Variants in MMP16 observed in about 807,000 individuals in gnomAD.
MMP16 encodes matrix metalloproteinase-16.
MMP16 carries 12 observed loss-of-function variants against 67.8 expected under a neutral mutation model. The ratio of observed to expected loss-of-function variants is 0.18; its 90% confidence interval spans 0.11 to 0.29. MMP16 has a LOEUF of 0.29. MMP16 is among the 10% of genes least tolerant of loss of function. The pLI is 1.00. For missense variants in MMP16, 475 were observed against 765.7 expected (o/e 0.62, Z 4.48); for synonymous variants, 249 against 255.9 (o/e 0.97, Z 0.26).
intron 3 of MMP16, among the ~76,000 whole-genome samples, chr8:88,170,930 T>C (rs1194185650): frequency 6.6e-6 from 1 of 152,156 alleles, no homozygotes; most frequent in African/African-American, 2.4e-5. Context: ...ACTTGTGTGA[T>C]AGCCATGGAG....
At chr8:88,221,544 A>G (rs1275084227) in intron 1 of MMP16, among the ~76,000 whole-genome samples, 1 of 152,148 alleles carries the variant, frequency 6.6e-6, no homozygotes, top group Non-Finnish European at 1.5e-5. Flanking sequence ...ATCGTTACAA[A>G]TAATAACCCC....
chr8:88,183,691 T>C (rs746004922), intron 3 of MMP16, among the ~76,000 whole-genome samples: 120 of 150,230 alleles, frequency 8.0e-4, no homozygotes, highest in Non-Finnish European at 1.1e-3. Flanking sequence ...ATGCCATTTT[T>C]CTGTTTAACA....
chr8:88,074,894 G>A (rs903736067), intron 6 of MMP16, 151 bp from the exon 7 acceptor site: 13 of 993,728 alleles, frequency 1.3e-5, no homozygotes, highest in Admixed American at 5.6e-5. Context: ...CAACTTGACC[G>A]CAATGATCAC....
chr8:88,212,775 C>G (rs1258349417), intron 1 of MMP16, among the ~76,000 whole-genome samples: 1 of 152,012 alleles, frequency 6.6e-6, no homozygotes, highest in Non-Finnish European at 1.5e-5. Flanking sequence ...TCAGATGAAT[C>G]CATACGAAAA....
Position 88,040,443 on chromosome 8 carries a change from C to G in MMP16, c.*1018G>C, listed in dbSNP as rs1480711856. 1 of 152,306 alleles carries G rather than the reference C, an allele frequency of 6.6e-6. No individual in the cohort carries two copies. The highest frequency in any genetic ancestry group is 1.5e-5 in the Non-Finnish European group (1 of 68,014). 9.4% of individuals were successfully genotyped at this position (152,306 alleles called of 1,614,324 possible). A position where few individuals can be genotyped will look rare whatever the true frequency, so the allele number is the denominator to read the frequency against. On this transcript the variant is annotated 3_prime_UTR_variant, in exon 10 of 10. Transcript: ENST00000286614. ...GACTCTGAAAGCTGGTCTGATAGTT[C>G]TCAAAGGGTTACACGGGTATGTTAC... is the stretch of plus-strand genomic sequence containing the variant.
intron 6 of MMP16, among the ~76,000 whole-genome samples, chr8:88,079,006 A>C (rs1043688917): frequency 2.6e-5 from 4 of 152,142 alleles, no homozygotes; most frequent in African/African-American, 9.7e-5. Flanking sequence ...TGCAATGCCA[A>C]TGCAAAGCCT....
intron 6 of MMP16, among the ~76,000 whole-genome samples, chr8:88,075,938 T>TACACACACACACACACACAC (rs71556442): frequency 5.8e-4 from 82 of 140,488 alleles, no homozygotes; most frequent in Non-Finnish European, 7.6e-4. Flanking sequence ...CATATATTCA[T>TACACACACACACACACACAC]ACACACACAC....
In MMP16 at chr8:88,040,062, G is replaced by A. The variant is rs931546958; in HGVS notation, c.*1399C>T. ...ACCGTTTTAATTCATTTTTAAAATG[G>A]CAATGCTAACTGCATATACCAAGGC... On this transcript the variant is annotated 3_prime_UTR_variant, in exon 10 of 10. Coordinates refer to ENST00000286614, the MANE Select transcript of MMP16 (RefSeq NM_005941.5). The A allele has an allele frequency of 6.6e-6, 1 of 152,418 alleles. No homozygotes were observed. The highest frequency in any genetic ancestry group is 2.4e-5 in the African/African-American group (1 of 41,372). 9.4% of individuals were successfully genotyped at this position (152,418 alleles called of 1,614,324 possible). A position where few individuals can be genotyped will look rare whatever the true frequency, so the allele number is the denominator to read the frequency against.
At chr8:88,111,896 C>G (rs1331720007) in intron 6 of MMP16, among the ~76,000 whole-genome samples, 1 of 151,618 alleles carries the variant, frequency 6.6e-6, no homozygotes, top group African/African-American at 2.4e-5. Flanking sequence ...ATGGTCACAT[C>G]TAAGAATAAA....
intron 4 of MMP16, among the ~76,000 whole-genome samples, chr8:88,142,518 C>T (rs949410678): frequency 1.7e-4 from 26 of 151,760 alleles, no homozygotes; most frequent in Middle Eastern, 3.4e-3. Flanking sequence ...GAGTGAAAGT[C>T]TTAAAGATTT....
chr8:88,056,101 T>C, intron 8 of MMP16, 27 bp downstream of exon 8: 1 of 1,416,276 alleles, frequency 7.1e-7, no homozygotes, highest in Non-Finnish European at 9.3e-7. Flanking sequence ...TAATTAACTG[T>C]TTTTCTCATG....
chr8:88,304,468 C>CAGT (rs1811182406), intron 1 of MMP16, among the ~76,000 whole-genome samples: 1 of 152,024 alleles, frequency 6.6e-6, no homozygotes, highest in African/African-American at 2.4e-5. Context: ...TACTCTAAAA[C>CAGT]AAGATCAACC....
intron 1 of MMP16, among the ~76,000 whole-genome samples, chr8:88,283,820 C>A (rs545530097): frequency 2.0e-5 from 3 of 152,244 alleles, no homozygotes; most frequent in Non-Finnish European, 4.4e-5. Context: ...GATATATTTT[C>A]TTCTGCTAAG....
In MMP16 at chr8:88,219,047, C is replaced by T. The variant is rs146794970; in HGVS notation, c.133-21741G>A. ...AATATCTCGGGCCTCACACAACTTTCATGCTGGTGAGGTAAGAAAGATAAT... is the reference window on the plus strand; with the variant it reads ...AATATCTCGGGCCTCACACAACTTTTATGCTGGTGAGGTAAGAAAGATAAT... On this transcript the variant is annotated intron_variant, in intron 1 of 9. Coordinates refer to ENST00000286614, the MANE Select transcript of MMP16 (RefSeq NM_005941.5). Among the ~76,000 whole-genome samples, 587 of 151,942 alleles carry T rather than the reference C, an allele frequency of 3.9e-3. 5 individuals carry two copies. The highest frequency in any genetic ancestry group is 0.013 in the African/African-American group (557 of 41,476).
chr8:88,043,918 C>A (rs1404569138), intron 9 of MMP16, among the ~76,000 whole-genome samples: 1 of 152,186 alleles, frequency 6.6e-6, no homozygotes, highest in Non-Finnish European at 1.5e-5. Context: ...TAGAATTAAA[C>A]AGACCTTCAA....
intron 4 of MMP16, among the ~76,000 whole-genome samples, chr8:88,151,977 A>T (rs1808417646): frequency 1.1e-5 from 1 of 87,626 alleles, no homozygotes; most frequent in Non-Finnish European, 2.1e-5. Flanking sequence ...GAAGACTAAT[A>T]AAGAAAAAAA....
chr8:88,113,715 C>G (rs1809380661), intron 6 of MMP16, among the ~76,000 whole-genome samples: 1 of 151,870 alleles, frequency 6.6e-6, no homozygotes, highest in Admixed American at 6.6e-5. Flanking sequence ...TAAGTGTTCT[C>G]ATATCCTTCT....
At chr8:88,083,417 G>A (rs1302421287) in intron 6 of MMP16, among the ~76,000 whole-genome samples, 3 of 152,032 alleles carry the variant, frequency 2.0e-5, no homozygotes, top group African/African-American at 7.2e-5. Context: ...TTGCGACAAA[G>A]CAAGAAATTA....
intron 4 of MMP16, among the ~76,000 whole-genome samples, chr8:88,123,243 T>C (rs953567844): frequency 1.1e-4 from 16 of 151,964 alleles, no homozygotes; most frequent in African/African-American, 3.9e-4. Flanking sequence ...CTTTGAAGCA[T>C]GTGAGTGTTT....
Sources: gnomAD v4.1 joint callset for allele counts (sites outside exome capture counted in the v4.1 genomes callset) on GRCh38, gnomAD v4.1.1 for gene constraint, MANE v1.5 for transcripts, NCBI Gene and HGNC (gene_info 2026-07-23, HGNC 2026-07-21) for gene names.